UGT1A7: variants seen among roughly 807,000 people sequenced by gnomAD.
The protein encoded by UGT1A7 is UDP glucuronosyltransferase family 1 member A7, also known as UDP-glucuronosyltransferase 1A7.
UGT1A7 carries 33 observed loss-of-function variants against 45.6 expected under a neutral mutation model. That is an observed-to-expected ratio of 0.72 (90% CI 0.55 to 0.97). The LOEUF (loss-of-function observed/expected upper bound fraction) is 0.97. UGT1A7 is among the 50% of genes least tolerant of loss of function. The probability of loss-of-function intolerance (pLI) is 0.00; values close to 1 mark genes in which losing one functional copy is unlikely to be tolerated. For missense variants in UGT1A7, 684 were observed against 666.2 expected (o/e 1.03, Z -0.29); for synonymous variants, 274 against 250.6 (o/e 1.09, Z -0.88).
chr2:233,757,985 C>T (rs925292779), intron 1 of UGT1A7, among the ~76,000 whole-genome samples: 4 of 152,150 alleles, frequency 2.6e-5, no homozygotes, highest in African/African-American at 7.2e-5. Context: ...AGAGCACCAT[C>T]CCCTGTAATT....
chr2:233,728,942 G>A (rs1352391275), intron 1 of UGT1A7, among the ~76,000 whole-genome samples: 1 of 147,948 alleles, frequency 6.8e-6, no homozygotes, highest in Non-Finnish European at 1.5e-5. Flanking sequence ...CTTTTCCAGG[G>A]TGGGGCCCAC....
At chr2:233,759,132 G>T (rs532304308) in intron 1 of UGT1A7, among the ~76,000 whole-genome samples, 5 of 152,204 alleles carry the variant, frequency 3.3e-5, no homozygotes, top group African/African-American at 9.7e-5. Context: ...CCTCTGGTAC[G>T]CAATGAAGGT....
intron 1 of UGT1A7, chr2:233,690,588 G>GAAAA: frequency 8.9e-7 from 1 of 1,125,264 alleles, no homozygotes; most frequent in Non-Finnish European, 1.2e-6. Flanking sequence ...CAATCCCTGA[G>GAAAA]AAAAAAAAAA....
intron 1 of UGT1A7, among the ~76,000 whole-genome samples, chr2:233,746,234 G>T (rs923887005): frequency 6.6e-6 from 1 of 151,756 alleles, no homozygotes; most frequent in African/African-American, 2.4e-5. Context: ...TATGCAAACT[G>T]CTAAAAGATA....
At chr2:233,718,979 C>G (rs143900667) in intron 1 of UGT1A7, 274 of 1,614,174 alleles carry the variant, frequency 1.7e-4, no homozygotes, top group East Asian at 1.0e-3. Flanking sequence ...AGCTCCATGC[C>G]AGAGGCCACC....
chr2:233,728,519 T>A (rs554437278), intron 1 of UGT1A7, among the ~76,000 whole-genome samples: 5 of 152,180 alleles, frequency 3.3e-5, no homozygotes, highest in Admixed American at 1.3e-4. Context: ...TTTTCTATAT[T>A]GACAGCCACT....
intron 1 of UGT1A7, among the ~76,000 whole-genome samples, chr2:233,737,749 T>C (rs1235645192): frequency 6.6e-6 from 1 of 152,308 alleles, no homozygotes; most frequent in South Asian, 2.1e-4. Context: ...CTTCCAGTTT[T>C]TCAATGTGAA....
At position 233,695,130 on chromosome 2, in the gene UGT1A7, C is replaced by CTTTCTTT. The variant is rs1364557158; in HGVS notation, c.855+12341_855+12342insCTTTTTT. ...GCCCATTAACCAACCCTTTTCTTTT[C>CTTTCTTT]TTTTTTTTTTTTTTGAGACAGAGTC... On this transcript the variant is annotated intron_variant, in intron 1 of 4. Transcript: ENST00000373426. Among the ~76,000 whole-genome samples the CTTTCTTT allele has an allele frequency of 8.6e-5, 12 of 138,836 alleles. 2 individuals are homozygous for CTTTCTTT. Among genetic ancestry groups the CTTTCTTT allele is most frequent in the Admixed American group, 1.4e-4 (2 of 14,118 alleles). 91.1% of individuals were successfully genotyped at this position (138,836 alleles called of 152,430 possible).
rs76915905 is a variant in UGT1A7, at chr2:233,721,524, C to T, written c.855+38732C>T. The T allele has an allele frequency of 8.1e-3, 1,365 of 167,890 alleles. 11 individuals carry two copies. The highest frequency in any genetic ancestry group is 0.011 in the Non-Finnish European group (835 of 78,422). 10.4% of individuals were successfully genotyped at this position (167,890 alleles called of 1,614,324 possible). A position where few individuals can be genotyped will look rare whatever the true frequency, so the allele number is the denominator to read the frequency against. ...GCATTTATTTTATGCTGAATTTCTT[C>T]CAGAGCCATAGGTAAATTTTTTCTT... On this transcript the variant is annotated intron_variant, in intron 1 of 4. Coordinates refer to ENST00000373426, the MANE Select transcript of UGT1A7 (RefSeq NM_019077.3).
chr2:233,708,356 T>TA (rs1456398377), intron 1 of UGT1A7: 1 of 152,248 alleles, frequency 6.6e-6, no homozygotes, highest in Non-Finnish European at 1.5e-5. Context: ...TTTCCCTTAT[T>TA]AATTCTTCAT....
Position 233,682,166 on chromosome 2 carries a change from T to TAC in UGT1A7, c.230_231dup (p.Ser78ThrfsTer33), listed in dbSNP as rs1421216272. 4 of 1,614,206 alleles carry TAC rather than the reference T, an allele frequency of 2.5e-6. No individual in the cohort carries two copies. The East Asian group carries it at 8.9e-5, about 36-fold the overall frequency. ...ATCACTGAATTGCACAGTGAAGACT[T>TAC]ACTCAACCTCATACACTCTGGAGGA... is the stretch of plus-strand genomic sequence containing the variant. On this transcript the variant is annotated frameshift_variant, in exon 1 of 5. Transcript: ENST00000373426. LOFTEE classifies it high-confidence loss of function.
In UGT1A7 at chr2:233,682,085, C is replaced by T. The variant is rs772240265; in HGVS notation, c.148C>T (p.Leu50Phe). ...GCAGTCGGTGGTGGAGAAACTCATCCTCAGGGGGCATGAGGTGGTCGTAGT... is the reference window on the plus strand; with the variant it reads ...GCAGTCGGTGGTGGAGAAACTCATCTTCAGGGGGCATGAGGTGGTCGTAGT... ...TMQSVVEKLI[L>F]RGHEVVVVMP... Residue 50 changes from leucine to phenylalanine, a missense_variant, in exon 1 of 5, where the codon CTC becomes TTC. Physicochemically the swap from Leu to Phe is conservative, Grantham distance 22. Transcript: ENST00000373426. 1.4e-5 allele frequency: 23 copies of T among 1,613,958 alleles called. No individual in the cohort carries two copies. Among genetic ancestry groups the T allele is most frequent in the Non-Finnish European group, 5.9e-6 (7 of 1,180,018 alleles).
At position 233,772,256 on chromosome 2, in the gene UGT1A7, G is replaced by A; in HGVS notation, c.1296-6G>A. ...CCAGGCATAACGAAACTGTCTTTGTGTTTAGTTACAAGGAGAACATCATGC... is the reference window on the plus strand; with the variant it reads ...CCAGGCATAACGAAACTGTCTTTGTATTTAGTTACAAGGAGAACATCATGC... On this transcript the variant is annotated splice_polypyrimidine_tract_variant and splice_region_variant and intron_variant, in intron 4 of 4. Coordinates refer to ENST00000373426, the MANE Select transcript of UGT1A7 (RefSeq NM_019077.3). 1.9e-6 allele frequency: 3 copies of A among 1,614,262 alleles called. No homozygotes were observed. Among genetic ancestry groups the A allele is most frequent in the Non-Finnish European group, 2.5e-6 (3 of 1,180,048 alleles).
At position 233,772,362 on chromosome 2, in the gene UGT1A7, A is replaced by C. The variant is rs1400939614; in HGVS notation, c.1396A>C (p.Lys466Gln). 6.2e-7 allele frequency: 1 copy of C among 1,614,242 alleles called. No individual in the cohort carries two copies. The highest frequency in any genetic ancestry group is 2.2e-5 in the East Asian group (1 of 44,878). Reference sequence around the variant, plus strand: ...CTGGGTGGAGTTTGTGATGAGGCACAAGGGCGCGCCACACCTGCGCCCCGC... The same window carrying C: ...CTGGGTGGAGTTTGTGATGAGGCACCAGGGCGCGCCACACCTGCGCCCCGC... ...VFWVEFVMRH[K>Q]GAPHLRPAAH... The change falls in exon 5 of 5, where the codon AAG (lysine) becomes CAG (glutamine). Residue 466 changes from lysine to glutamine, a missense_variant. Physicochemically the swap from Lys to Gln is moderately conservative, Grantham distance 53. Coordinates refer to ENST00000373426, the MANE Select transcript of UGT1A7 (RefSeq NM_019077.3).
At chr2:233,770,089 T>C (rs2126050834) in intron 4 of UGT1A7, 1 of 153,022 alleles carries the variant, frequency 6.5e-6, no homozygotes, top group South Asian at 2.1e-4. Context: ...TTCAGTGGTA[T>C]AGATAACTAC....
intron 1 of UGT1A7, among the ~76,000 whole-genome samples, chr2:233,733,416 G>C (rs570726599): frequency 6.6e-6 from 1 of 152,104 alleles, no homozygotes; most frequent in Non-Finnish European, 1.5e-5. Context: ...TCCAGTTTTC[G>C]CCTACTCAGT....
At chr2:233,695,166 A>AC (rs2075269757) in intron 1 of UGT1A7, among the ~76,000 whole-genome samples, 2 of 139,832 alleles carry the variant, frequency 1.4e-5, no homozygotes, top group African/African-American at 2.7e-5. Context: ...TCACTCTGTC[A>AC]TCAGGCTGGA....
intron 1 of UGT1A7, among the ~76,000 whole-genome samples, chr2:233,717,097 A>G (rs1035812992): frequency 6.6e-6 from 1 of 152,144 alleles, no homozygotes; most frequent in South Asian, 2.1e-4. Context: ...TGACATCACT[A>G]TCTAAATAAA....
Position 233,713,210 on chromosome 2 carries a change from C to A in UGT1A7, c.855+30418C>A, listed in dbSNP as rs17874940. On this transcript the variant is annotated intron_variant, in intron 1 of 4. Coordinates refer to ENST00000373426, the MANE Select transcript of UGT1A7 (RefSeq NM_019077.3). Reference sequence around the variant, plus strand: ...TGAATATGTACATCAAAGAAGAGAACTTTTTCACCCTGACAACGTATGCCA... The same window carrying A: ...TGAATATGTACATCAAAGAAGAGAAATTTTTCACCCTGACAACGTATGCCA... 29 of 1,614,238 alleles carry A rather than the reference C, an allele frequency of 1.8e-5. 1 individual carries two copies. Among genetic ancestry groups the A allele is most frequent in the Middle Eastern group, 3.3e-4 (2 of 6,062 alleles).
Sources: allele counts gnomAD v4.1 joint callset (sites outside exome capture counted in the v4.1 genomes callset), GRCh38; gene constraint gnomAD v4.1.1; transcripts MANE v1.5; gene names NCBI Gene and HGNC (gene_info 2026-07-23, HGNC 2026-07-21).